Variants in TRAPPC9 observed in about 807,000 individuals in gnomAD.
TRAPPC9 encodes trafficking protein particle complex subunit 9, also known as IKK2 binding protein.
In TRAPPC9, 83 loss-of-function variants were observed where a neutral mutation model predicts 124.0. That is an observed-to-expected ratio of 0.67 (90% CI 0.56 to 0.80). TRAPPC9 has a LOEUF of 0.80. Among genes scored for constraint, TRAPPC9 ranks in the 30% least tolerant of loss-of-function variants. TRAPPC9 has a pLI of 0.00. For synonymous variants in TRAPPC9, 638 were observed against 617.5 expected, an observed-to-expected ratio of 1.03 and a Z score of -0.49; for missense variants, 1,302 against 1,508.3, an observed-to-expected ratio of 0.86 and a Z score of 2.27.
At chr8:139,860,551 T>G (rs998345281) in intron 21 of TRAPPC9, among the ~76,000 whole-genome samples, 1 of 152,182 alleles carries the variant, frequency 6.6e-6, no homozygotes, top group African/African-American at 2.4e-5. Flanking sequence ...TCCTCATGCA[T>G]GCTCAGGTAA....
intron 17 of TRAPPC9, among the ~76,000 whole-genome samples, chr8:140,089,096 C>G (rs1350214199): frequency 1.3e-5 from 2 of 152,134 alleles, no homozygotes; most frequent in Non-Finnish European, 2.9e-5. Flanking sequence ...GAAATAAAAA[C>G]AATAGCTCCA....
chr8:140,330,005 G>A (rs2066854072), intron 9 of TRAPPC9, among the ~76,000 whole-genome samples: 1 of 151,966 alleles, frequency 6.6e-6, no homozygotes, highest in Admixed American at 6.6e-5. Flanking sequence ...CTTGAACCTG[G>A]GAGGCAGAAG....
intron 21 of TRAPPC9, among the ~76,000 whole-genome samples, chr8:139,824,492 C>T (rs1364547357): frequency 1.3e-5 from 2 of 152,264 alleles, no homozygotes; most frequent in East Asian, 3.9e-4. Flanking sequence ...AAAGGATGCT[C>T]CATGGGAACA....
chr8:139,868,468 G>T (rs1828689335), intron 21 of TRAPPC9, among the ~76,000 whole-genome samples: 1 of 152,204 alleles, frequency 6.6e-6, no homozygotes, highest in African/African-American at 2.4e-5. Flanking sequence ...TCTTAAAGGA[G>T]CGTGCTGCAG....
At chr8:140,296,478 C>T (rs558327320) in intron 11 of TRAPPC9, among the ~76,000 whole-genome samples, 124 of 152,234 alleles carry the variant, frequency 8.1e-4, no homozygotes, top group African/African-American at 2.9e-3. Flanking sequence ...GTTGGCCAGG[C>T]TGGTCTCGAA....
At chr8:140,179,993 A>ATTTTTTTTTTTTTTTTTTTTTTTTTTTT (rs71520259) in intron 17 of TRAPPC9, among the ~76,000 whole-genome samples, 3 of 90,032 alleles carry the variant, frequency 3.3e-5, no homozygotes, top group African/African-American at 4.1e-5. Flanking sequence ...TTATATCTTG[A>ATTTTTTTTTTTTTTTTTTTTTTTTTTTT]TTTTTTTTTT....
intron 16 of TRAPPC9, among the ~76,000 whole-genome samples, chr8:140,242,957 A>G (rs2063896163): frequency 6.6e-6 from 1 of 152,148 alleles, no homozygotes. Flanking sequence ...AGTGAAGGGG[A>G]AAGAGTAAGG....
intron 19 of TRAPPC9, among the ~76,000 whole-genome samples, chr8:139,975,097 T>C (rs1231751057): frequency 6.6e-6 from 1 of 151,920 alleles, no homozygotes; most frequent in Non-Finnish European, 1.5e-5. Flanking sequence ...CAGCGGTGAT[T>C]ATGAGTGAAC....
intron 21 of TRAPPC9, among the ~76,000 whole-genome samples, chr8:139,884,096 C>A (rs530582383): frequency 1.3e-5 from 2 of 152,130 alleles, no homozygotes; most frequent in African/African-American, 4.8e-5. Flanking sequence ...CAAAGTGAAT[C>A]GACATTTGTA....
intron 21 of TRAPPC9, among the ~76,000 whole-genome samples, chr8:139,754,650 C>T (rs1421001198): frequency 6.6e-6 from 1 of 152,232 alleles, no homozygotes; most frequent in Non-Finnish European, 1.5e-5. Flanking sequence ...ACTGGGCCTG[C>T]CCAGCTTCTT....
At chr8:140,114,401 C>A (rs117568298) in intron 17 of TRAPPC9, among the ~76,000 whole-genome samples, 146 of 148,664 alleles carry the variant, frequency 9.8e-4, no homozygotes, top group Middle Eastern at 3.6e-3. Context: ...TTGCAAAAGA[C>A]ACATGGTACT....
chr8:139,813,124 C>T (rs543447701), intron 21 of TRAPPC9, among the ~76,000 whole-genome samples: 6 of 152,332 alleles, frequency 3.9e-5, no homozygotes, highest in Admixed American at 2.0e-4. Context: ...ACTGTGCTGC[C>T]GGTCTCCCTG....
At position 140,344,570 on chromosome 8, in the gene TRAPPC9, G is replaced by A. The variant is rs142234649; in HGVS notation, c.1495+15480C>T. ...TAGCGCCAGGCAGAGAAGGGTGGGC[G>A]TTTGGCTCAGAACTGAGGTGCACAG... On this transcript the variant is annotated intron_variant, in intron 9 of 22. Transcript: ENST00000438773. Among the ~76,000 whole-genome samples the A allele has an allele frequency of 2.6e-5, 4 of 152,324 alleles. No individual in the cohort carries two copies. The East Asian group carries it at 5.8e-4, about 22-fold the overall frequency.
chr8:139,736,260 C>A (rs1818158868), intron 21 of TRAPPC9, among the ~76,000 whole-genome samples: 1 of 152,230 alleles, frequency 6.6e-6, no homozygotes, highest in Non-Finnish European at 1.5e-5. Context: ...GGGTGACCAA[C>A]TATCCCAGTT....
At chr8:139,887,355 G>A (rs111675187) in intron 20 of TRAPPC9, among the ~76,000 whole-genome samples, 2 of 151,912 alleles carry the variant, frequency 1.3e-5, no homozygotes, top group Non-Finnish European at 2.9e-5. Flanking sequence ...CGAGTAGCTG[G>A]GATTACAGGC....
chr8:140,400,609 C>T (rs1264136430), intron 6 of TRAPPC9, among the ~76,000 whole-genome samples: 2 of 152,136 alleles, frequency 1.3e-5, no homozygotes, highest in Admixed American at 6.5e-5. Flanking sequence ...CAAATGAGGG[C>T]GTTTGGAACA....
At chr8:140,363,456 A>C (rs904926705) in intron 8 of TRAPPC9, among the ~76,000 whole-genome samples, 3 of 152,228 alleles carry the variant, frequency 2.0e-5, no homozygotes, top group Non-Finnish European at 4.4e-5. Flanking sequence ...CCAGAGCCAC[A>C]GTGGAGATGG....
intron 21 of TRAPPC9, among the ~76,000 whole-genome samples, chr8:139,777,599 A>G (rs1821482012): frequency 6.6e-6 from 1 of 152,250 alleles, no homozygotes; most frequent in South Asian, 2.1e-4. Flanking sequence ...GACTTCTTAC[A>G]TAACGTGTAT....
chr8:140,200,084 A>G (rs1587909839), intron 17 of TRAPPC9, among the ~76,000 whole-genome samples: 1 of 152,332 alleles, frequency 6.6e-6, no homozygotes, highest in East Asian at 1.9e-4. Context: ...GTCAACGAAG[A>G]GTAGCTGGTG....
Sources: allele counts gnomAD v4.1 joint callset (sites outside exome capture counted in the v4.1 genomes callset), GRCh38; gene constraint gnomAD v4.1.1; transcripts MANE v1.5; gene names NCBI Gene and HGNC (gene_info 2026-07-23, HGNC 2026-07-21).